The following DYNC1I1 variants were observed in gnomAD, a reference collection of about 807,000 sequenced individuals.
DYNC1I1 encodes dynein cytoplasmic 1 intermediate chain 1.
In DYNC1I1, 43 loss-of-function variants were observed where a neutral mutation model predicts 86.6. The ratio of observed to expected loss-of-function variants is 0.50; its 90% CI spans 0.39 to 0.64. The LOEUF is 0.64. Among genes scored for constraint, DYNC1I1 ranks in the 30% least tolerant of loss-of-function variants. The pLI, the probability that DYNC1I1 is intolerant of heterozygous loss-of-function variation, is 0.00. For missense variants in DYNC1I1, 604 were observed against 788.8 expected, an observed-to-expected ratio of 0.77 and a Z score of 2.81; for synonymous variants, 262 against 283.7, an observed-to-expected ratio of 0.92 and a Z score of 0.77.
intron 6 of DYNC1I1, among the ~76,000 whole-genome samples, chr7:95,954,449 G>A (rs903340252): frequency 6.6e-6 from 1 of 151,906 alleles, no homozygotes; most frequent in Non-Finnish European, 1.5e-5. Flanking sequence ...GTTCTCTTGG[G>A]CAGTGCTGGT....
chr7:95,947,642 G>A (rs557758520), intron 6 of DYNC1I1, among the ~76,000 whole-genome samples: 2 of 152,196 alleles, frequency 1.3e-5, no homozygotes, highest in South Asian at 2.1e-4. Context: ...GAGGGGTGGG[G>A]CAGATTTCTT....
intron 6 of DYNC1I1, among the ~76,000 whole-genome samples, chr7:95,919,747 GA>G (rs1375521859): frequency 1.3e-5 from 2 of 152,128 alleles, no homozygotes; most frequent in African/African-American, 4.8e-5. Flanking sequence ...GGAAAAATAT[GA>G]AGTGAGAACA....
At chr7:95,936,597 GA>G (rs1562948992) in intron 6 of DYNC1I1, among the ~76,000 whole-genome samples, 2 of 151,938 alleles carry the variant, frequency 1.3e-5, no homozygotes, top group African/African-American at 4.8e-5. Context: ...TACCAAAAAA[GA>G]GTACTGTAAT....
At chr7:95,791,354 G>A (rs540342833) in intron 1 of DYNC1I1, among the ~76,000 whole-genome samples, 1 of 152,302 alleles carries the variant, frequency 6.6e-6, no homozygotes, top group East Asian at 1.9e-4. Flanking sequence ...GTTGCACAGA[G>A]AATCTGGCTC....
chr7:96,037,381 T>C (rs1004416649), intron 13 of DYNC1I1, among the ~76,000 whole-genome samples: 10 of 152,224 alleles, frequency 6.6e-5, no homozygotes, highest in Admixed American at 3.3e-4. Context: ...GCAGACGTCA[T>C]GTAAACCTGG....
chr7:95,812,285 C>T (rs1283837895), intron 3 of DYNC1I1, among the ~76,000 whole-genome samples: 1 of 152,144 alleles, frequency 6.6e-6, no homozygotes, highest in Non-Finnish European at 1.5e-5. Flanking sequence ...ATCCATATGG[C>T]TTCTCTGGCA....
intron 10 of DYNC1I1, among the ~76,000 whole-genome samples, chr7:96,013,649 G>C (rs1287991846): frequency 6.6e-6 from 1 of 152,076 alleles, no homozygotes; most frequent in South Asian, 2.1e-4. Context: ...TGTAGGGACA[G>C]GTTTTTGCCA....
intron 15 of DYNC1I1, among the ~76,000 whole-genome samples, chr7:96,077,545 G>A (rs1263530782): frequency 6.6e-6 from 1 of 152,146 alleles, no homozygotes; most frequent in Non-Finnish European, 1.5e-5. Context: ...ATAGAAAGAT[G>A]TTATTACCCT....
At chr7:96,051,333 A>G (rs893127474) in intron 14 of DYNC1I1, among the ~76,000 whole-genome samples, 13 of 152,162 alleles carry the variant, frequency 8.5e-5, no homozygotes, top group African/African-American at 3.1e-4. Context: ...TTTGTATTAA[A>G]TCTATCTTCT....
chr7:95,966,941 A>G (rs1793030132), intron 6 of DYNC1I1, among the ~76,000 whole-genome samples: 1 of 152,192 alleles, frequency 6.6e-6, no homozygotes, highest in Non-Finnish European at 1.5e-5. Flanking sequence ...GTGATCAAGG[A>G]AAGGAAAACA....
intron 16 of DYNC1I1, among the ~76,000 whole-genome samples, chr7:96,092,031 A>G (rs1199119234): frequency 1.3e-5 from 2 of 152,212 alleles, no homozygotes; most frequent in African/African-American, 2.4e-5. Context: ...AATGGAAAGT[A>G]GCAACTCTGA....
intron 14 of DYNC1I1, among the ~76,000 whole-genome samples, chr7:96,044,246 G>A (rs1297066398): frequency 2.0e-5 from 3 of 152,064 alleles, no homozygotes; most frequent in East Asian, 3.9e-4. Context: ...CCTTTAAAAG[G>A]CAGAAAAAGC....
intron 10 of DYNC1I1, among the ~76,000 whole-genome samples, chr7:96,001,808 A>G (rs1794018113): frequency 6.6e-6 from 1 of 151,948 alleles, no homozygotes; most frequent in African/African-American, 2.4e-5. Context: ...CCTATTTCCA[A>G]ATACAGTCAC....
At chr7:95,798,450 G>A (rs1253388771) in intron 1 of DYNC1I1, among the ~76,000 whole-genome samples, 2 of 151,958 alleles carry the variant, frequency 1.3e-5, no homozygotes, top group African/African-American at 4.8e-5. Flanking sequence ...CTAAGCAGGT[G>A]AAATGGGGCT....
intron 9 of DYNC1I1, among the ~76,000 whole-genome samples, chr7:95,993,974 A>G (rs547180745): frequency 5.3e-5 from 8 of 152,320 alleles, no homozygotes; most frequent in African/African-American, 1.9e-4. Context: ...GTCCTAACTC[A>G]TAAGTACTTC....
intron 10 of DYNC1I1, among the ~76,000 whole-genome samples, chr7:96,006,985 A>AC (rs1344371205): frequency 1.3e-5 from 2 of 152,190 alleles, no homozygotes; most frequent in African/African-American, 2.4e-5. Context: ...TATCACATGT[A>AC]CCCCCAAAAT....
intron 14 of DYNC1I1, chr7:96,056,277 G>A (rs1266500789): frequency 2.0e-5 from 3 of 151,998 alleles, no homozygotes; most frequent in African/African-American, 7.2e-5. Context: ...CCATCACAAT[G>A]AAGTGTGTTT....
intron 6 of DYNC1I1, among the ~76,000 whole-genome samples, chr7:95,882,494 C>T (rs1376059274): frequency 1.3e-5 from 2 of 152,178 alleles, no homozygotes; most frequent in Admixed American, 6.5e-5. Context: ...GTAACTTCAG[C>T]AGTCATCCAG....
At chr7:95,956,357 C>T (rs1292615649) in intron 6 of DYNC1I1, among the ~76,000 whole-genome samples, 2 of 150,574 alleles carry the variant, frequency 1.3e-5, no homozygotes, top group Non-Finnish European at 2.9e-5. Context: ...AACAGGTGCT[C>T]AATAAGACCC....
Sources: allele counts gnomAD v4.1 joint callset (sites outside exome capture counted in the v4.1 genomes callset), GRCh38; gene constraint gnomAD v4.1.1; transcripts MANE v1.5; gene names NCBI Gene and HGNC (gene_info 2026-07-23, HGNC 2026-07-21).